Variants in OGA observed in about 807,000 individuals in gnomAD.
OGA encodes the protein protein O-GlcNAcase.
Under a neutral mutation model 102.0 loss-of-function variants are expected in OGA, and 21 were observed. That is an observed-to-expected ratio of 0.21 (90% CI 0.15 to 0.30). The LOEUF is 0.30. Among genes scored for constraint, OGA ranks in the 10% least tolerant of loss-of-function variants. OGA has a pLI of 1.00. For missense variants in OGA, 765 were observed against 1,107.8 expected (o/e 0.69, Z 4.39); for synonymous variants, 408 against 378.2 (o/e 1.08, Z -0.91).
intron 12 of OGA, among the ~76,000 whole-genome samples, chr10:101,792,289 T>C (rs1428850197): frequency 6.6e-6 from 1 of 152,210 alleles, no homozygotes; most frequent in African/African-American, 2.4e-5. Context: ...ATTACAGGCA[T>C]GAGCCACCAA....
intron 1 of OGA, among the ~76,000 whole-genome samples, chr10:101,815,377 CG>C (rs2065608386): frequency 6.6e-6 from 1 of 152,224 alleles, no homozygotes; most frequent in Non-Finnish European, 1.5e-5. Context: ...CTCCAACTCC[CG>C]GGTTCAAGCG....
chr10:101,803,116 G>A (rs1478912265), intron 7 of OGA, among the ~76,000 whole-genome samples: 1 of 150,890 alleles, frequency 6.6e-6, no homozygotes, highest in East Asian at 1.9e-4. Flanking sequence ...ACTCCAGCCT[G>A]GGCGATGGAG....
At chr10:101,802,422 C>T (rs1195999843) in intron 7 of OGA, among the ~76,000 whole-genome samples, 4 of 152,212 alleles carry the variant, frequency 2.6e-5, no homozygotes, top group Admixed American at 2.6e-4. Flanking sequence ...GCCTGTAATC[C>T]CAGCACTTTG....
intron 14 of OGA, among the ~76,000 whole-genome samples, chr10:101,788,459 G>A (rs1052768218): frequency 6.0e-5 from 9 of 150,944 alleles, no homozygotes; most frequent in Non-Finnish European, 8.8e-5. Flanking sequence ...CTGGCCAGGC[G>A]TGGTGGCTCA....
In OGA at chr10:101,792,017, ATTATTTT is replaced by A. The variant is rs1222414576; in HGVS notation, c.2176-585_2176-579del. Reference sequence around the variant, plus strand: ...AATTTAGTATTATTTTTTATTATTTATTATTTTTTTTTTTTTTTGAGACGGAGTCTCG... The same window carrying A: ...AATTTAGTATTATTTTTTATTATTTATTTTTTTTTTTGAGACGGAGTCTCG... On this transcript the variant is annotated intron_variant, in intron 12 of 15. Transcript: ENST00000361464. Among the ~76,000 whole-genome samples the A allele has an allele frequency of 1.1e-4, 16 of 149,414 alleles. No individual in the cohort carries two copies. In the South Asian group the frequency reaches 1.5e-3, roughly 14 times the overall value.
intron 9 of OGA, 58 bp downstream of exon 9, chr10:101,798,784 C>A: frequency 1.3e-6 from 2 of 1,545,182 alleles, no homozygotes; most frequent in Non-Finnish European, 1.7e-6. Flanking sequence ...ACCTTTTCCA[C>A]ATTACCAGTA....
chr10:101,810,172 G>GT lies in OGA; in HGVS notation c.480+11dup, dbSNP rs2065535218. 17 of 1,598,618 alleles carry GT rather than the reference G, an allele frequency of 1.1e-5. No homozygotes were observed. Among genetic ancestry groups the GT allele is most frequent in the Non-Finnish European group, 1.4e-5 (17 of 1,173,444 alleles). On this transcript the variant is annotated intron_variant, in intron 4 of 15. Coordinates refer to ENST00000361464, the MANE Select transcript of OGA (RefSeq NM_012215.5). ...CATAGTCAGGAAAAATGAATAAAAA[G>GT]TAAGGAGTTACCTGGTCCAATTTAC...
At position 101,797,961 on chromosome 10, in the gene OGA, T is replaced by C; in HGVS notation, c.1984+19A>G. The C allele has an allele frequency of 1.2e-6, 2 of 1,603,628 alleles. No homozygotes were observed. Among genetic ancestry groups the C allele is most frequent in the South Asian group, 2.2e-5 (2 of 90,804 alleles). The stretch of plus-strand genomic sequence containing the variant: ...GGACAATATATTTGAGGAGAAGAGA[T>C]TATTCCTGGTGCACCTACCTAACCA... On this transcript the variant is annotated intron_variant, in intron 10 of 15. Transcript: ENST00000361464.
chr10:101,787,308 T>A, intron 15 of OGA, 56 bp downstream of exon 15: 3 of 1,478,204 alleles, frequency 2.0e-6, no homozygotes, highest in Non-Finnish European at 2.7e-6. Flanking sequence ...TCCAAAAATA[T>A]ATAGTTCTTT....
chr10:101,807,833 T>G lies in OGA; in HGVS notation c.549A>C (p.Ala183=). 2 of 1,611,662 alleles carry G rather than the reference T, an allele frequency of 1.2e-6. No homozygotes were observed. The highest frequency in any genetic ancestry group is 2.2e-5 in the South Asian group (2 of 90,680). ...CAAAAGAACTGAATACCTCTTTGTC[T>G]GCTGCACACATATTATGGTCTATAT... ...FDDIDHNMCA[A]DKEVFSSFAH... The change falls in exon 5 of 16, where the codon GCA becomes GCC. Residue 183 remains alanine, a synonymous_variant. Coordinates refer to ENST00000361464, the MANE Select transcript of OGA (RefSeq NM_012215.5).
chr10:101,796,217 T>C (rs1554837090), intron 10 of OGA, among the ~76,000 whole-genome samples: 1 of 152,146 alleles, frequency 6.6e-6, no homozygotes, highest in Admixed American at 6.5e-5. Flanking sequence ...TTGAGGTCTC[T>C]TGAGCCTAAG....
At chr10:101,804,577 A>T (rs957086342) in intron 6 of OGA, among the ~76,000 whole-genome samples, 1 of 151,748 alleles carries the variant, frequency 6.6e-6, no homozygotes, top group Non-Finnish European at 1.5e-5. Flanking sequence ...CTGGCCCCTT[A>T]CATGTACATT....
Position 101,818,125 on chromosome 10 carries a change from G to GCCCCTCCGGCTCCTT in OGA, c.-118_-104dup. On this transcript the variant is annotated 5_prime_UTR_variant, in exon 1 of 16. Coordinates refer to ENST00000361464, the MANE Select transcript of OGA (RefSeq NM_012215.5). The stretch of plus-strand genomic sequence containing the variant: ...GAGAGGGCTTCAGCTCCAAGTGTGC[G>GCCCCTCCGGCTCCTT]CCCCTCCGGCTCCTTCCCCTCCCCC... The GCCCCTCCGGCTCCTT allele has an allele frequency of 5.0e-6, 7 of 1,397,650 alleles. No homozygotes were observed. Among genetic ancestry groups the GCCCCTCCGGCTCCTT allele is most frequent in the Non-Finnish European group, 6.5e-6 (7 of 1,077,002 alleles). The allele number at this position is 1,397,650 out of a possible 1,614,324, so 86.6% of individuals were successfully genotyped here.
chr10:101,813,478 TGTTA>T, intron 2 of OGA, 73 bp downstream of exon 2: 2 of 931,986 alleles, frequency 2.1e-6, no homozygotes, highest in Admixed American at 2.5e-5. Context: ...GGCTATTCAC[TGTTA>T]GTATTTCTTC....
chr10:101,809,921 T>G (rs991129391), intron 4 of OGA, among the ~76,000 whole-genome samples: 1 of 151,706 alleles, frequency 6.6e-6, no homozygotes, highest in African/African-American at 2.4e-5. Flanking sequence ...CACGCACCTA[T>G]AGTCCCAGCT....
intron 6 of OGA, among the ~76,000 whole-genome samples, chr10:101,805,772 G>A (rs997432009): frequency 4.1e-4 from 62 of 151,526 alleles, no homozygotes; most frequent in Non-Finnish European, 7.7e-4. Flanking sequence ...TGGCTAACAT[G>A]GTGAAACCCT....
intron 8 of OGA, 106 bp from the exon 9 acceptor site, chr10:101,799,561 G>A (rs1178801408): frequency 8.4e-7 from 1 of 1,192,896 alleles, no homozygotes; most frequent in Non-Finnish European, 1.2e-6. Context: ...TTGTTAAGTG[G>A]AACCTCAATT....
At chr10:101,809,531 C>A (rs185388567) in intron 4 of OGA, among the ~76,000 whole-genome samples, 4 of 151,912 alleles carry the variant, frequency 2.6e-5, no homozygotes, top group African/African-American at 9.7e-5. Flanking sequence ...GCCTGGCCAA[C>A]GTGGCAAAAC....
At chr10:101,798,557 G>A (rs1393433472) in intron 9 of OGA, among the ~76,000 whole-genome samples, 2 of 151,894 alleles carry the variant, frequency 1.3e-5, no homozygotes, top group Admixed American at 6.6e-5. Context: ...GGGATTACAG[G>A]TGCCCGTCAC....
Sources: gnomAD v4.1 joint callset for allele counts (sites outside exome capture counted in the v4.1 genomes callset) on GRCh38, gnomAD v4.1.1 for gene constraint, MANE v1.5 for transcripts, NCBI Gene and HGNC (gene_info 2026-07-23, HGNC 2026-07-21) for gene names.